MEOX1: variants seen among roughly 807,000 people sequenced by gnomAD.
MEOX1 encodes mesenchyme homeobox 1.
Under a neutral mutation model 23.2 loss-of-function variants are expected in MEOX1, and 17 were observed. That is an observed-to-expected ratio of 0.73 (90% CI 0.50 to 1.10). The LOEUF (loss-of-function observed/expected upper bound fraction) is 1.10, where lower values mean the gene tolerates loss of function less well. MEOX1 is among the 50% of genes least tolerant of loss of function. The pLI is 0.00. For missense variants in MEOX1, 333 were observed against 332.2 expected (o/e 1.00, Z -0.02); for synonymous variants, 134 against 135.1 (o/e 0.99, Z 0.06).
chr17:43,661,354 C>T lies in MEOX1; in HGVS notation c.181G>A (p.Asp61Asn). 6.2e-7 allele frequency: 1 copy of T among 1,613,690 alleles called. No individual in the cohort carries two copies. The highest frequency in any genetic ancestry group is 8.5e-7 in the Non-Finnish European group (1 of 1,179,840). Residue 61 changes from aspartate to asparagine, a missense_variant, in exon 1 of 3, where the codon GAC becomes AAC. By Grantham distance (23) the Asp-to-Asn change is conservative. Coordinates refer to ENST00000318579, the MANE Select transcript of MEOX1 (RefSeq NM_004527.4). ...GCTGCCAGGCAGGAGGCTGAGAAGT[C>T]AGGGTACGCTGCCGTCGCTGTCGCC... ...FLATATAAYP[D>N]FSASCLAATP...
chr17:43,661,365 G>A lies in MEOX1; in HGVS notation c.170C>T (p.Ala57Val). The part of the protein sequence containing the change: ...QKPDFLATAT[A>V]AYPDFSASCL... ...GGAGGCTGAGAAGTCAGGGTACGCT[G>A]CCGTCGCTGTCGCCAGGAAGTCTGG... The change falls in exon 1 of 3, where the codon GCA becomes GTA. Residue 57 changes from alanine to valine, a missense_variant. Coordinates refer to ENST00000318579, the MANE Select transcript of MEOX1 (RefSeq NM_004527.4). 2 of 1,613,814 alleles carry A rather than the reference G, an allele frequency of 1.2e-6. No homozygotes were observed. Among genetic ancestry groups the A allele is most frequent in the Non-Finnish European group, 1.7e-6 (2 of 1,179,892 alleles).
intron 1 of MEOX1, among the ~76,000 whole-genome samples, chr17:43,651,235 C>T (rs934017252): frequency 2.6e-5 from 4 of 152,140 alleles, no homozygotes; most frequent in African/African-American, 9.7e-5. Flanking sequence ...AGGAGAATGG[C>T]ATGAAACTGG....
chr17:43,654,774 C>T (rs907948057), intron 1 of MEOX1, among the ~76,000 whole-genome samples: 9 of 151,836 alleles, frequency 5.9e-5, no homozygotes, highest in Non-Finnish European at 1.0e-4. Context: ...ACTCTCCAGC[C>T]GGGTGCAGTG....
At chr17:43,645,764 C>T (rs1972797645) in intron 1 of MEOX1, among the ~76,000 whole-genome samples, 1 of 152,176 alleles carries the variant, frequency 6.6e-6, no homozygotes, top group South Asian at 2.1e-4. Flanking sequence ...ACCCGGCGAT[C>T]CACTTTGGAG....
At position 43,656,313 on chromosome 17, in the gene MEOX1, CA is replaced by C. The variant is rs150108722; in HGVS notation, c.469+4752del. 6.0e-3 allele frequency among the ~76,000 whole-genome samples: 916 copies of C among 151,962 alleles called. 8 individuals are homozygous for C. Among genetic ancestry groups the C allele is most frequent in the African/African-American group, 0.02 (842 of 41,428 alleles). ...AGTGCTCTAGGCAAGGAGAAACCACCAGAGCACAGTCAGAGAGGGGGAAGAA... is the reference window on the plus strand; with the variant it reads ...AGTGCTCTAGGCAAGGAGAAACCACCGAGCACAGTCAGAGAGGGGGAAGAA... On this transcript the variant is annotated intron_variant, in intron 1 of 2. Transcript: ENST00000318579.
rs150188503 is a variant in MEOX1, at chr17:43,656,326, G to C, written c.469+4740C>G. ...AGGAGAAACCACCAGAGCACAGTCA[G>C]AGAGGGGGAAGAAAATGCAGGATGT... is the stretch of plus-strand genomic sequence containing the variant. On this transcript the variant is annotated intron_variant, in intron 1 of 2. Coordinates refer to ENST00000318579, the MANE Select transcript of MEOX1 (RefSeq NM_004527.4). Among the ~76,000 whole-genome samples, 565 of 152,252 alleles carry C rather than the reference G, an allele frequency of 3.7e-3. 1 individual carries two copies. The highest frequency in any genetic ancestry group is 0.013 in the African/African-American group (541 of 41,538).
chr17:43,660,390 TG>T lies in MEOX1; in HGVS notation c.469+675del, dbSNP rs537048287. Among the ~76,000 whole-genome samples the T allele has an allele frequency of 3.1e-3, 479 of 152,330 alleles. 2 individuals carry two copies. The highest frequency in any genetic ancestry group is 9.8e-3 in the African/African-American group (409 of 41,578). On this transcript the variant is annotated intron_variant, in intron 1 of 2. Transcript: ENST00000318579. ...GCAGCTCCTTGCGGGGCTGCCTTCC[TG>T]GGGGGTCAGCCAGATCTCAGCATGC... is the stretch of plus-strand genomic sequence containing the variant.
intron 1 of MEOX1, among the ~76,000 whole-genome samples, chr17:43,657,793 C>G (rs970060297): frequency 6.6e-6 from 1 of 152,178 alleles, no homozygotes; most frequent in African/African-American, 2.4e-5. Context: ...TTGAAATATT[C>G]AATTCCACCA....
Position 43,661,318 on chromosome 17 carries a change from T to C in MEOX1, c.217A>G (p.Ser73Gly), listed in dbSNP as rs1417325509. The change falls in exon 1 of 3, where the codon AGC (serine) becomes GGC (glycine). Residue 73 changes from serine (S) to glycine (G), a missense_variant. Physicochemically the swap from Ser to Gly is moderately conservative, Grantham distance 56 (BLOSUM62 0). Transcript: ENST00000318579. The part of the protein sequence containing the change: ...SASCLAATPH[S>G]LPQEEHIFTE... ...AAGATGTGCTCCTCCTGGGGCAGGC[T>C]GTGTGGGGTGGCTGCCAGGCAGGAG... 1.1e-5 allele frequency: 18 copies of C among 1,612,342 alleles called. No homozygotes were observed. Among genetic ancestry groups the C allele is most frequent in the Non-Finnish European group, 1.4e-5 (17 of 1,179,028 alleles).
chr17:43,651,498 C>A (rs1241818359), intron 1 of MEOX1, among the ~76,000 whole-genome samples: 5 of 151,906 alleles, frequency 3.3e-5, no homozygotes, highest in Non-Finnish European at 5.9e-5. Flanking sequence ...GCTTGAGACC[C>A]AGGCCCACTG....
intron 1 of MEOX1, among the ~76,000 whole-genome samples, chr17:43,658,683 A>G (rs1973085197): frequency 6.6e-6 from 1 of 152,128 alleles, no homozygotes; most frequent in Non-Finnish European, 1.5e-5. Context: ...GCTGAATTCC[A>G]GATTCCTGGA....
chr17:43,657,884 G>GCT (rs1392893216), intron 1 of MEOX1, among the ~76,000 whole-genome samples: 1 of 152,172 alleles, frequency 6.6e-6, no homozygotes, highest in Non-Finnish European at 1.5e-5. Flanking sequence ...ACCATTTACA[G>GCT]CTGCTATTTA....
chr17:43,660,524 T>C (rs1973116347), intron 1 of MEOX1, among the ~76,000 whole-genome samples: 1 of 152,136 alleles, frequency 6.6e-6, no homozygotes, highest in African/African-American at 2.4e-5. Context: ...ACCCCTTGAT[T>C]CTCCCATCCC....
intron 1 of MEOX1, among the ~76,000 whole-genome samples, chr17:43,644,095 C>G (rs1015325426): frequency 1.3e-5 from 2 of 152,184 alleles, no homozygotes; most frequent in African/African-American, 4.8e-5. Flanking sequence ...AAATGCAAAT[C>G]CTAGCCTCAT....
rs1567750770 is a variant in MEOX1, at chr17:43,661,650, CA to C, written c.-117del. On this transcript the variant is annotated 5_prime_UTR_variant, in exon 1 of 3. Coordinates refer to ENST00000318579, the MANE Select transcript of MEOX1 (RefSeq NM_004527.4). ...CTAAATAGGAGGGAAAAATGTTCAA[CA>C]GAAAATTTACCCCAGGAACCAAAAA... 1.9e-6 allele frequency: 1 copy of C among 519,866 alleles called. No individual in the cohort carries two copies. Among genetic ancestry groups the C allele is most frequent in the Non-Finnish European group, 3.0e-6 (1 of 333,956 alleles). The allele number at this position is 519,866 out of a possible 1,614,324, so 32.2% of individuals were successfully genotyped here.
chr17:43,657,822 T>C lies in MEOX1; in HGVS notation c.469+3244A>G, dbSNP rs1248133779. Among the ~76,000 whole-genome samples, 21 of 152,102 alleles carry C rather than the reference T, an allele frequency of 1.4e-4. 1 individual carries two copies. The highest frequency in any genetic ancestry group is 1.4e-3 in the Admixed American group (21 of 15,272). On this transcript the variant is annotated intron_variant, in intron 1 of 2. Coordinates refer to ENST00000318579, the MANE Select transcript of MEOX1 (RefSeq NM_004527.4). Reference sequence around the variant, plus strand: ...TCCACCATCCCCATAAATATAGAAATATTTGTCAGACCTTATATTCTGAAG... The same window carrying C: ...TCCACCATCCCCATAAATATAGAAACATTTGTCAGACCTTATATTCTGAAG...
chr17:43,654,688 G>T (rs1417833599), intron 1 of MEOX1, among the ~76,000 whole-genome samples: 1 of 151,764 alleles, frequency 6.6e-6, no homozygotes, highest in African/African-American at 2.4e-5. Flanking sequence ...TAATTTTTTT[G>T]GAAAATTAAA....
At chr17:43,648,685 C>T (rs539594719) in intron 1 of MEOX1, among the ~76,000 whole-genome samples, 8 of 152,242 alleles carry the variant, frequency 5.3e-5, no homozygotes, top group Admixed American at 2.0e-4. Flanking sequence ...CCTACACTCC[C>T]TACTCTCTCT....
chr17:43,657,695 G>C (rs1973064990), intron 1 of MEOX1, among the ~76,000 whole-genome samples: 1 of 152,138 alleles, frequency 6.6e-6, no homozygotes. Flanking sequence ...CTCTCCGGCA[G>C]GTCTCTGAGC....
Sources: gnomAD v4.1 joint callset for allele counts (sites outside exome capture counted in the v4.1 genomes callset) on GRCh38, gnomAD v4.1.1 for gene constraint, MANE v1.5 for transcripts, NCBI Gene and HGNC (gene_info 2026-07-23, HGNC 2026-07-21) for gene names.